The following TSPAN9 variants were observed in gnomAD, a reference collection of about 807,000 sequenced individuals.
TSPAN9 encodes the protein tetraspanin-9.
TSPAN9 carries 16 observed loss-of-function variants against 31.0 expected under a neutral mutation model. The ratio of observed to expected loss-of-function variants is 0.52; its 90% CI spans 0.35 to 0.78. The LOEUF (loss-of-function observed/expected upper bound fraction) is 0.78, where lower values mean the gene tolerates loss of function less well. Ranked by LOEUF, TSPAN9 falls within the 30% of genes least tolerant of loss-of-function variation. TSPAN9 has a pLI of 0.01. For missense variants in TSPAN9, 272 were observed against 312.5 expected (o/e 0.87, Z 0.98); for synonymous variants, 145 against 121.6 (o/e 1.19, Z -1.27).
At chr12:3,231,126 C>T (rs182399762) in intron 3 of TSPAN9, among the ~76,000 whole-genome samples, 7 of 151,918 alleles carry the variant, frequency 4.6e-5, no homozygotes, top group East Asian at 3.9e-4. Flanking sequence ...TTTAATTTCT[C>T]GCCAGAGAAT....
chr12:3,217,863 G>T (rs556846650), intron 3 of TSPAN9, among the ~76,000 whole-genome samples: 1 of 152,134 alleles, frequency 6.6e-6, no homozygotes, highest in South Asian at 2.1e-4. Context: ...CACTTCCTGT[G>T]TGTACAGTAC....
chr12:3,103,330 A>T (rs1328206219), intron 2 of TSPAN9, among the ~76,000 whole-genome samples: 1 of 152,208 alleles, frequency 6.6e-6, no homozygotes, highest in Non-Finnish European at 1.5e-5. Flanking sequence ...AGGTCAACTA[A>T]TATTTTACTG....
rs2098364886 is a variant in TSPAN9 at position 3,192,418 on chromosome 12, C to T, written c.-17-8759C>T. On this transcript the variant is annotated intron_variant, in intron 2 of 8. Coordinates refer to ENST00000011898, the MANE Select transcript of TSPAN9 (RefSeq NM_006675.5). This position sits in a 1 kb window ranked among gnomAD's most constrained non-coding sequence, Gnocchi z 4.6. Reference sequence around the variant, plus strand: ...ACAAGGGCGGGGACGAGGAGGATGCCAGGTGCAGGGAGGCTCTGCGGCTTG... The same window carrying T: ...ACAAGGGCGGGGACGAGGAGGATGCTAGGTGCAGGGAGGCTCTGCGGCTTG... Among the ~76,000 whole-genome samples, 1 of 151,962 alleles carries T rather than the reference C, an allele frequency of 6.6e-6. No homozygotes were observed. The highest frequency in any genetic ancestry group is 2.4e-5 in the African/African-American group (1 of 41,380).
intron 1 of TSPAN9, among the ~76,000 whole-genome samples, chr12:3,078,782 AT>A (rs879455616): frequency 3.0e-3 from 427 of 143,314 alleles, no homozygotes; most frequent in Middle Eastern, 7.2e-3. Flanking sequence ...TGAGAGTAGG[AT>A]TTTTTTTTTT....
Position 3,278,272 on chromosome 12 carries a change from G to T in TSPAN9, c.64-149G>T. On this transcript the variant is annotated intron_variant, in intron 3 of 8. Coordinates refer to ENST00000011898, the MANE Select transcript of TSPAN9 (RefSeq NM_006675.5). ...GGGTCACACAGCCGACATGCTTCGGGTCTGCAGCCCAACGGTAGTCCCGTT... is the reference window on the plus strand; with the variant it reads ...GGGTCACACAGCCGACATGCTTCGGTTCTGCAGCCCAACGGTAGTCCCGTT... 3.7e-6 allele frequency: 4 copies of T among 1,094,474 alleles called. No individual in the cohort carries two copies. The South Asian group carries it at 6.3e-5, about 17-fold the overall frequency. 67.8% of individuals were successfully genotyped at this position (1,094,474 alleles called of 1,614,324 possible). A position where few individuals can be genotyped will look rare whatever the true frequency, so the allele number is the denominator to read the frequency against.
chr12:3,257,662 AG>A (rs1186553837), intron 3 of TSPAN9, among the ~76,000 whole-genome samples: 9 of 150,502 alleles, frequency 6.0e-5, no homozygotes, highest in Admixed American at 3.4e-4. Context: ...GCATCTCAGC[AG>A]GGTTCCCAGA....
intron 2 of TSPAN9, among the ~76,000 whole-genome samples, chr12:3,186,854 T>A (rs1355272250): frequency 2.6e-5 from 4 of 152,152 alleles, no homozygotes; most frequent in African/African-American, 9.7e-5. Context: ...AGGATGGTGC[T>A]GGATTTCTTT....
At chr12:3,213,354 C>T (rs530232465) in intron 3 of TSPAN9, among the ~76,000 whole-genome samples, 7 of 152,312 alleles carry the variant, frequency 4.6e-5, no homozygotes, top group East Asian at 1.9e-4. Context: ...GGGCTTCCCC[C>T]GCTTGTTGGC....
chr12:3,208,719 TAAAAC>T (rs1316339257), intron 3 of TSPAN9, among the ~76,000 whole-genome samples: 1 of 152,172 alleles, frequency 6.6e-6, no homozygotes, highest in Non-Finnish European at 1.5e-5. Context: ...AAAAAAATCA[TAAAAC>T]AAACGCCTGC....
chr12:3,257,776 TA>T (rs1255590063), intron 3 of TSPAN9, among the ~76,000 whole-genome samples: 4 of 22,424 alleles, frequency 1.8e-4, no homozygotes, highest in African/African-American at 2.8e-4. Context: ...GCGGGAGGGG[TA>T]GGGGGGCGGC....
chr12:3,088,690 T>G (rs1039118097), intron 2 of TSPAN9, among the ~76,000 whole-genome samples: 1 of 152,186 alleles, frequency 6.6e-6, no homozygotes, highest in African/African-American at 2.4e-5. Flanking sequence ...TGGCATCCAT[T>G]TGAGAAACTC....
chr12:3,096,062 G>A (rs368177162), intron 2 of TSPAN9, among the ~76,000 whole-genome samples: 7 of 151,702 alleles, frequency 4.6e-5, no homozygotes, highest in South Asian at 2.1e-4. Flanking sequence ...CTCCCGGCGC[G>A]GCGGCAAAGA....
rs76550640 is a variant in TSPAN9 at position 3,220,248 on chromosome 12, C to T, written c.63+18992C>T. Among the ~76,000 whole-genome samples, 511 of 152,232 alleles carry T rather than the reference C, an allele frequency of 3.4e-3. 3 individuals carry two copies. The highest frequency in any genetic ancestry group is 0.012 in the African/African-American group (482 of 41,514). On this transcript the variant is annotated intron_variant, in intron 3 of 8. Coordinates refer to ENST00000011898, the MANE Select transcript of TSPAN9 (RefSeq NM_006675.5). ...TTCTGAAGCTGACACCGTGCTGTGC[C>T]GTGGCCCAGGCTCTGAACCTGTGCT... is the stretch of plus-strand genomic sequence containing the variant.
intron 2 of TSPAN9, among the ~76,000 whole-genome samples, chr12:3,133,140 C>T (rs141198822): frequency 2.6e-5 from 4 of 152,210 alleles, no homozygotes; most frequent in East Asian, 1.9e-4. Flanking sequence ...TGAGCAGATG[C>T]GTGAGGTATT....
intron 3 of TSPAN9, among the ~76,000 whole-genome samples, chr12:3,218,157 T>A (rs1269055401): frequency 1.3e-5 from 2 of 152,148 alleles, no homozygotes; most frequent in Non-Finnish European, 2.9e-5. Flanking sequence ...CCATTTTTTC[T>A]GTGGGCCCTG....
intron 2 of TSPAN9, among the ~76,000 whole-genome samples, chr12:3,178,710 G>A (rs560974088): frequency 2.6e-5 from 4 of 152,310 alleles, no homozygotes; most frequent in South Asian, 2.1e-4. Context: ...AAATGTCAAC[G>A]AGACGGGTGG....
chr12:3,277,598 G>A (rs889747167), intron 3 of TSPAN9, among the ~76,000 whole-genome samples: 1 of 152,244 alleles, frequency 6.6e-6, no homozygotes, highest in Admixed American at 6.5e-5. Flanking sequence ...ATGAGCTGGC[G>A]GAGGGAGTCG....
At chr12:3,251,485 A>AAAAGTTCTTTTTTCAAAAGTTCTTTT (rs1862243672) in intron 3 of TSPAN9, among the ~76,000 whole-genome samples, 3 of 152,126 alleles carry the variant, frequency 2.0e-5, no homozygotes, top group African/African-American at 7.3e-5. Flanking sequence ...TTGATTTCTG[A>AAAAGTTCTTTTTTCAAAAGTTCTTTT]TTATAAAACT....
chr12:3,154,010 A>ATGTGTGTGTGTGTGTGTGTGTGTG (rs56928697), intron 2 of TSPAN9, among the ~76,000 whole-genome samples: 1 of 147,902 alleles, frequency 6.8e-6, no homozygotes, highest in Non-Finnish European at 1.5e-5. Flanking sequence ...TTATATATAT[A>ATGTGTGTGTGTGTGTGTGTGTGTG]TGTGTGTGTG....
Sources: gnomAD v4.1 joint callset for allele counts (sites outside exome capture counted in the v4.1 genomes callset) on GRCh38, gnomAD v4.1.1 for gene constraint, Gnocchi (gnomAD v3.1) non-coding constraint, MANE v1.5 for transcripts, NCBI Gene and HGNC (gene_info 2026-07-23, HGNC 2026-07-21) for gene names.